PHACTR1: variants seen among roughly 807,000 people sequenced by gnomAD.
PHACTR1 encodes the protein phosphatase and actin regulator 1, also known as RPEL repeat containing 1.
A neutral mutation model predicts 69.2 loss-of-function variants in PHACTR1; 16 were observed. That is an observed-to-expected ratio of 0.23 (90% CI 0.16 to 0.35). The LOEUF (loss-of-function observed/expected upper bound fraction) is 0.35, where lower values mean the gene tolerates loss of function less well. PHACTR1 is among the 10% of genes least tolerant of loss of function. PHACTR1 has a pLI of 1.00. For missense variants in PHACTR1, 510 were observed against 734.7 expected (o/e 0.69, Z 3.54); for synonymous variants, 312 against 284.5 (o/e 1.10, Z -0.97).
At chr6:12,738,603 C>G (rs1362898993) in intron 3 of PHACTR1, among the ~76,000 whole-genome samples, 1 of 152,184 alleles carries the variant, frequency 6.6e-6, no homozygotes, top group Non-Finnish European at 1.5e-5. Context: ...TGGCTCACTC[C>G]TGTAATCCTA....
intron 6 of PHACTR1, among the ~76,000 whole-genome samples, chr6:13,162,247 G>T (rs948378682): frequency 6.6e-6 from 1 of 151,162 alleles, no homozygotes; most frequent in Admixed American, 6.6e-5. Context: ...CCACAGGTGC[G>T]CACCACCATG....
At chr6:13,065,763 A>T (rs181115859) in intron 5 of PHACTR1, among the ~76,000 whole-genome samples, 130 of 152,286 alleles carry the variant, frequency 8.5e-4, no homozygotes, top group African/African-American at 2.6e-3. Flanking sequence ...AGCCAAATAA[A>T]TATATTTGCA....
intron 4 of PHACTR1, among the ~76,000 whole-genome samples, chr6:12,767,362 T>C (rs1025392616): frequency 1.1e-4 from 16 of 152,254 alleles, no homozygotes; most frequent in African/African-American, 3.6e-4. Context: ...AAAGTCATTA[T>C]ATGTAGGCCT....
chr6:13,075,105 A>G (rs4715088), intron 5 of PHACTR1, among the ~76,000 whole-genome samples: 122,690 of 152,128 alleles, frequency 0.81, 49,643 homozygotes, highest in East Asian at 0.93. Context: ...CATTTTCACC[A>G]ACTATTAGCC....
intron 4 of PHACTR1, among the ~76,000 whole-genome samples, chr6:12,969,136 C>T (rs1260566709): frequency 6.6e-6 from 1 of 152,148 alleles, no homozygotes; most frequent in Non-Finnish European, 1.5e-5. Context: ...CTGGGTGGGA[C>T]TTGGGCATAG....
chr6:12,961,995 C>T (rs1490566020), intron 4 of PHACTR1, among the ~76,000 whole-genome samples: 1 of 152,162 alleles, frequency 6.6e-6, no homozygotes, highest in Non-Finnish European at 1.5e-5. Flanking sequence ...GTGGTGTGAT[C>T]TCAGCTCTCT....
At chr6:13,119,539 G>C (rs1219238114) in intron 5 of PHACTR1, among the ~76,000 whole-genome samples, 2 of 152,140 alleles carry the variant, frequency 1.3e-5, no homozygotes, top group Non-Finnish European at 2.9e-5. Flanking sequence ...CACTAGCCCA[G>C]AATAGATGCT....
intron 4 of PHACTR1, among the ~76,000 whole-genome samples, chr6:12,991,153 C>T (rs1796775942): frequency 2.6e-5 from 4 of 152,206 alleles, no homozygotes; most frequent in Admixed American, 1.3e-4. Flanking sequence ...CTGTCCATAT[C>T]GCTATTACCT....
intron 4 of PHACTR1, 138 bp from the exon 5 acceptor site, chr6:13,053,227 A>T: frequency 1.0e-6 from 1 of 988,108 alleles, no homozygotes; most frequent in South Asian, 1.9e-5. Context: ...TGTGACTTCC[A>T]TTCCAAAAGG....
chr6:12,750,577 G>T (rs908073675), intron 4 of PHACTR1, among the ~76,000 whole-genome samples: 1 of 143,130 alleles, frequency 7.0e-6, no homozygotes, highest in African/African-American at 2.5e-5. Context: ...GGAGGGAGGG[G>T]GAAGGAAAGC....
chr6:12,764,946 G>C (rs950809081), intron 4 of PHACTR1, among the ~76,000 whole-genome samples: 1 of 152,000 alleles, frequency 6.6e-6, no homozygotes, highest in Non-Finnish European at 1.5e-5. Context: ...GCACAGACGT[G>C]GGTTTGAATT....
At chr6:12,903,542 G>A (rs915197718) in intron 4 of PHACTR1, among the ~76,000 whole-genome samples, 4 of 152,226 alleles carry the variant, frequency 2.6e-5, no homozygotes, top group Non-Finnish European at 5.9e-5. Context: ...TGAGCACATT[G>A]GGTGCAATTC....
chr6:13,024,603 A>C (rs1338935533), intron 4 of PHACTR1, among the ~76,000 whole-genome samples: 1 of 152,218 alleles, frequency 6.6e-6, no homozygotes, highest in Admixed American at 6.5e-5. Context: ...TGATACAGTG[A>C]ACCTTTTTTG....
intron 4 of PHACTR1, among the ~76,000 whole-genome samples, chr6:12,864,726 T>C (rs1298760124): frequency 2.6e-5 from 4 of 151,684 alleles, no homozygotes; most frequent in African/African-American, 9.7e-5. Context: ...CCCCACAGTC[T>C]TAAATTCTAA....
chr6:12,857,984 C>T (rs1480187441), intron 4 of PHACTR1, among the ~76,000 whole-genome samples: 1 of 152,088 alleles, frequency 6.6e-6, no homozygotes, highest in East Asian at 1.9e-4. Flanking sequence ...TCATCCATGC[C>T]AGATACCGTT....
chr6:13,076,164 T>C (rs1278588159), intron 5 of PHACTR1, among the ~76,000 whole-genome samples: 1 of 151,522 alleles, frequency 6.6e-6, no homozygotes, highest in East Asian at 1.9e-4. Context: ...GTACAAAAAA[T>C]AGAGAGCTAA....
chr6:13,103,776 G>C (rs1418465021), intron 5 of PHACTR1, among the ~76,000 whole-genome samples: 1 of 152,180 alleles, frequency 6.6e-6, no homozygotes, highest in Non-Finnish European at 1.5e-5. Flanking sequence ...ATCAACTACA[G>C]CATTCATTAA....
intron 5 of PHACTR1, among the ~76,000 whole-genome samples, chr6:13,079,182 T>C (rs941902878): frequency 2.0e-5 from 3 of 152,176 alleles, no homozygotes; most frequent in African/African-American, 7.2e-5. Context: ...CGGCTCTTCC[T>C]CATGAAGAGG....
intron 4 of PHACTR1, among the ~76,000 whole-genome samples, chr6:12,913,646 C>A (rs966858885): frequency 6.6e-6 from 1 of 152,124 alleles, no homozygotes; most frequent in African/African-American, 2.4e-5. Flanking sequence ...TATCTCAGCC[C>A]CTCTCAAAAT....
Sources: gnomAD v4.1 joint callset for allele counts (sites outside exome capture counted in the v4.1 genomes callset) on GRCh38, gnomAD v4.1.1 for gene constraint, MANE v1.5 for transcripts, NCBI Gene and HGNC (gene_info 2026-07-23, HGNC 2026-07-21) for gene names.